CRBN: variants seen among roughly 807,000 people sequenced by gnomAD.
CRBN encodes the protein protein cereblon.
In CRBN, 53 loss-of-function variants were observed where a neutral mutation model predicts 62.2. The ratio of observed to expected loss-of-function variants is 0.85; its 90% confidence interval spans 0.68 to 1.07. The LOEUF (loss-of-function observed/expected upper bound fraction) is 1.07, where lower values mean the gene tolerates loss of function less well. CRBN is among the 50% of genes least tolerant of loss of function. The pLI, the probability that CRBN is intolerant of heterozygous loss-of-function variation, is 0.00. For synonymous variants in CRBN, 208 were observed against 176.1 expected, an observed-to-expected ratio of 1.18 and a Z score of -1.43; for missense variants, 616 against 531.1, an observed-to-expected ratio of 1.16 and a Z score of -1.57.
chr3:3,165,601 ACT>A (rs1707297470), intron 5 of CRBN, among the ~76,000 whole-genome samples: 1 of 152,188 alleles, frequency 6.6e-6, no homozygotes. Flanking sequence ...AGGTATGTAC[ACT>A]GTTTTTTAGA....
intron 3 of CRBN, 70 bp from the exon 4 acceptor site, chr3:3,172,995 G>A (rs566343972): frequency 8.8e-7 from 1 of 1,140,520 alleles, no homozygotes; most frequent in African/African-American, 1.5e-5. Flanking sequence ...AGTAGGCAAA[G>A]CAATAAATAC....
chr3:3,151,205 T>C (rs1201586905), intron 10 of CRBN, among the ~76,000 whole-genome samples, 160 bp from the exon 11 acceptor site: 4 of 152,216 alleles, frequency 2.6e-5, no homozygotes, highest in African/African-American at 9.7e-5. Context: ...TAAAAACATT[T>C]CTAAAAACAT....
chr3:3,163,014 C>G (rs545409075), intron 5 of CRBN, among the ~76,000 whole-genome samples: 17 of 152,310 alleles, frequency 1.1e-4, no homozygotes, highest in Admixed American at 3.9e-4. Flanking sequence ...ATACGGAGTT[C>G]CTACCAAAGA....
Position 3,150,744 on chromosome 3 carries a change from G to A in CRBN, c.*121C>T. ...TAGAAACTGCAACCCTCCAAGTAAT[G>A]TTATGTTTACTTAGGTATTAATGTT... On this transcript the variant is annotated 3_prime_UTR_variant, in exon 11 of 11. Transcript: ENST00000231948. The A allele has an allele frequency of 1.0e-6, 1 of 965,640 alleles. No homozygotes were observed. The highest frequency in any genetic ancestry group is 1.5e-6 in the Non-Finnish European group (1 of 646,842). 59.8% of individuals were successfully genotyped at this position (965,640 alleles called of 1,614,324 possible).
At chr3:3,170,522 T>C (rs1320973123) in intron 4 of CRBN, among the ~76,000 whole-genome samples, 1 of 152,208 alleles carries the variant, frequency 6.6e-6, no homozygotes, top group African/African-American at 2.4e-5. Context: ...TGTCGCTTAT[T>C]TGCTGTTTAA....
chr3:3,155,199 A>G (rs1706831358), intron 6 of CRBN: 2 of 227,306 alleles, frequency 8.8e-6, no homozygotes, highest in South Asian at 8.5e-5. Flanking sequence ...AGCACTTGCT[A>G]TCTACATACC....
intron 4 of CRBN, among the ~76,000 whole-genome samples, chr3:3,171,397 C>T (rs533510004): frequency 9.2e-5 from 14 of 152,218 alleles, no homozygotes; most frequent in South Asian, 4.2e-4. Flanking sequence ...CACCCCCACC[C>T]GCCCCAGGAG....
chr3:3,175,382 T>C, intron 1 of CRBN, 113 bp from the exon 2 acceptor site: 1 of 773,478 alleles, frequency 1.3e-6, no homozygotes, highest in Non-Finnish European at 2.2e-6. Flanking sequence ...TTTGGTAAAC[T>C]CTACAGCACC....
In CRBN at chr3:3,175,279, T is replaced by G; in HGVS notation, c.68-10A>C. The stretch of plus-strand genomic sequence containing the variant: ...TCTTCCTCACTCTCTGCTATAAAAG[T>G]AGAATATTGTAAGAAAAAAAAAAAG... On this transcript the variant is annotated splice_polypyrimidine_tract_variant and intron_variant, in intron 1 of 10. Transcript: ENST00000231948. The G allele has an allele frequency of 6.5e-7, 1 of 1,547,844 alleles. No homozygotes were observed. The highest frequency in any genetic ancestry group is 8.9e-7 in the Non-Finnish European group (1 of 1,122,174).
intron 8 of CRBN, 173 bp downstream of exon 8, chr3:3,153,787 T>G: frequency 1.5e-6 from 1 of 645,828 alleles, no homozygotes; most frequent in Non-Finnish European, 2.8e-6. Context: ...GATAAATGTA[T>G]TCATATTTGA....
intron 3 of CRBN, among the ~76,000 whole-genome samples, 155 bp from the exon 4 acceptor site, chr3:3,173,080 T>C (rs944964335): frequency 7.9e-5 from 12 of 152,124 alleles, no homozygotes; most frequent in African/African-American, 2.9e-4. Context: ...TTGTTTGAGA[T>C]GGAGTCTCGC....
chr3:3,178,745 CTCTCGTTTCA>C (rs1374046863), intron 1 of CRBN, among the ~76,000 whole-genome samples: 4 of 152,160 alleles, frequency 2.6e-5, no homozygotes, highest in Non-Finnish European at 5.9e-5. Context: ...TGTGTATTAC[CTCTCGTTTCA>C]TCTCCACAAC....
In CRBN at chr3:3,172,806, T is replaced by C; in HGVS notation, c.497A>G (p.Lys166Arg). 6.2e-7 allele frequency: 1 copy of C among 1,614,094 alleles called. No homozygotes were observed. Among genetic ancestry groups the C allele is most frequent in the South Asian group, 1.1e-5 (1 of 91,088 alleles). ...KVKAIGRQRFKVLELRTQSDG... is the reference protein window; with the variant it reads ...KVKAIGRQRFRVLELRTQSDG... ...TGACTGTGTTCTTAGCTCAAGGACT[T>C]TGAACCTTTGTCTTCCAATTGCTTT... Residue 166 changes from lysine (K) to arginine (R), a missense_variant, in exon 4 of 11, where the codon AAA becomes AGA. Transcript: ENST00000231948.
In CRBN at chr3:3,150,738, A is replaced by AGTAAT. The variant is rs1177972058; in HGVS notation, c.*122_*126dup. On this transcript the variant is annotated 3_prime_UTR_variant, in exon 11 of 11. Coordinates refer to ENST00000231948, the MANE Select transcript of CRBN (RefSeq NM_016302.4). ...TTCACTTAGAAACTGCAACCCTCCA[A>AGTAAT]GTAATGTTATGTTTACTTAGGTATT... 1 of 936,454 alleles carries AGTAAT rather than the reference A, an allele frequency of 1.1e-6. No individual in the cohort carries two copies. The highest frequency in any genetic ancestry group is 1.6e-6 in the Non-Finnish European group (1 of 626,474). The allele number at this position is 936,454 out of a possible 1,614,324, so 58.0% of individuals were successfully genotyped here.
intron 5 of CRBN, among the ~76,000 whole-genome samples, chr3:3,163,831 A>C (rs60103375): frequency 0.19 from 28,442 of 152,146 alleles, 2,697 homozygotes; most frequent in Admixed American, 0.21. Flanking sequence ...AACAAACAAA[A>C]AAAAAATTAA....
chr3:3,173,062 T>G, intron 3 of CRBN, 137 bp from the exon 4 acceptor site: 2 of 736,804 alleles, frequency 2.7e-6, no homozygotes, highest in East Asian at 5.4e-5. Context: ...TTTTATTTAT[T>G]TATTTATTTG....
chr3:3,171,624 A>C lies in CRBN; in HGVS notation c.527+1152T>G, dbSNP rs371353357. 1.2e-3 allele frequency among the ~76,000 whole-genome samples: 184 copies of C among 152,260 alleles called. 1 individual carries two copies. Among genetic ancestry groups the C allele is most frequent in the Non-Finnish European group, 1.9e-3 (131 of 68,018 alleles). On this transcript the variant is annotated intron_variant, in intron 4 of 10. Transcript: ENST00000231948. ...ACACCCTAAGAGCTCTGGCAATCCC[A>C]TCTCACATGCCTCTATGCTCTCTTT...
At chr3:3,153,762 A>G (rs1575081118) in intron 8 of CRBN, 198 bp downstream of exon 8, 3 of 623,378 alleles carry the variant, frequency 4.8e-6, no homozygotes, top group East Asian at 2.7e-5. Flanking sequence ...AAATCAAGTT[A>G]TTTTTCACTA....
chr3:3,173,007 G>T, intron 3 of CRBN, 82 bp from the exon 4 acceptor site: 1 of 999,062 alleles, frequency 1.0e-6, no homozygotes, highest in Non-Finnish European at 1.6e-6. Flanking sequence ...AATAAATACA[G>T]GTAAACAATT....
Sources: gnomAD v4.1 joint callset for allele counts (sites outside exome capture counted in the v4.1 genomes callset) on GRCh38, gnomAD v4.1.1 for gene constraint, MANE v1.5 for transcripts, NCBI Gene and HGNC (gene_info 2026-07-23, HGNC 2026-07-21) for gene names.